The following RAPGEF4 variants were observed in gnomAD, a reference collection of about 807,000 sequenced individuals.
The protein encoded by RAPGEF4 is Rap guanine nucleotide exchange factor 4.
A neutral mutation model predicts 147.9 loss-of-function variants in RAPGEF4; 66 were observed. That is an observed-to-expected ratio of 0.45 (90% CI 0.37 to 0.55). The LOEUF (loss-of-function observed/expected upper bound fraction) is 0.55. Ranked by LOEUF, RAPGEF4 falls within the 20% of genes least tolerant of loss-of-function variation. The pLI, the probability that RAPGEF4 is intolerant of heterozygous loss-of-function variation, is 0.00. For synonymous variants in RAPGEF4, 419 were observed against 442.7 expected (o/e 0.95, Z 0.67); for missense variants, 1,071 against 1,257.3 (o/e 0.85, Z 2.24).
At chr2:172,819,184 C>T (rs1004873298) in intron 4 of RAPGEF4, among the ~76,000 whole-genome samples, 2 of 151,924 alleles carry the variant, frequency 1.3e-5, no homozygotes, top group Admixed American at 6.6e-5. Flanking sequence ...TCTGAGGGTA[C>T]TGGGTTGCTC....
At chr2:172,783,883 A>C (rs1284198845) in intron 1 of RAPGEF4, among the ~76,000 whole-genome samples, 1 of 152,070 alleles carries the variant, frequency 6.6e-6, no homozygotes, top group East Asian at 1.9e-4. Flanking sequence ...GATGCACCAA[A>C]GTTTTCGGAT....
chr2:172,887,096 A>C (rs1479575043), intron 4 of RAPGEF4, among the ~76,000 whole-genome samples: 3 of 151,964 alleles, frequency 2.0e-5, no homozygotes, highest in Non-Finnish European at 2.9e-5. Context: ...GTGAGGCAGG[A>C]GAATCCCTTG....
At chr2:172,821,221 G>A (rs1422101481) in intron 4 of RAPGEF4, among the ~76,000 whole-genome samples, 1 of 152,146 alleles carries the variant, frequency 6.6e-6, no homozygotes, top group Non-Finnish European at 1.5e-5. Flanking sequence ...TGCATTAATG[G>A]TAGGCTTTTC....
At chr2:172,804,223 A>G (rs1222366528) in intron 3 of RAPGEF4, among the ~76,000 whole-genome samples, 1 of 152,130 alleles carries the variant, frequency 6.6e-6, no homozygotes, top group Non-Finnish European at 1.5e-5. Context: ...ATTTGACTCA[A>G]ATTCATATTG....
intron 11 of RAPGEF4, among the ~76,000 whole-genome samples, chr2:172,984,279 C>A (rs1691999274): frequency 6.6e-6 from 1 of 152,140 alleles, no homozygotes; most frequent in Non-Finnish European, 1.5e-5. Context: ...AGAGTATATA[C>A]TGAGGTCCCT....
intron 30 of RAPGEF4, among the ~76,000 whole-genome samples, 177 bp from the exon 31 acceptor site, chr2:173,051,463 G>T (rs1222982529): frequency 2.0e-5 from 3 of 152,148 alleles, no homozygotes; most frequent in African/African-American, 7.2e-5. Context: ...AAATTGGAGG[G>T]TAGGAAGGAG....
At chr2:172,956,411 A>G (rs1333015242) in intron 6 of RAPGEF4, among the ~76,000 whole-genome samples, 1 of 151,952 alleles carries the variant, frequency 6.6e-6, no homozygotes, top group Non-Finnish European at 1.5e-5. Context: ...TATTTGTCTT[A>G]GCCCTGATAG....
intron 16 of RAPGEF4, among the ~76,000 whole-genome samples, chr2:173,000,774 C>G (rs944479034): frequency 7.1e-5 from 7 of 98,414 alleles, no homozygotes; most frequent in African/African-American, 2.6e-4. Context: ...TTTGCTGCTT[C>G]TTTCTCCCCT....
In RAPGEF4 at chr2:172,779,029, G is replaced by A. The variant is rs368322362; in HGVS notation, c.66-15996G>A. ...GTAATTTAATTTTCTCTGAAGTGCCGTTAACTTTTCATGATTATACATTCT... is the reference window on the plus strand; with the variant it reads ...GTAATTTAATTTTCTCTGAAGTGCCATTAACTTTTCATGATTATACATTCT... On this transcript the variant is annotated intron_variant, in intron 1 of 30. Coordinates refer to ENST00000397081, the MANE Select transcript of RAPGEF4 (RefSeq NM_007023.4). 6.2e-4 allele frequency among the ~76,000 whole-genome samples: 94 copies of A among 152,094 alleles called. No homozygotes were observed. The South Asian group carries it at 0.016, about 27-fold the overall frequency.
intron 27 of RAPGEF4, among the ~76,000 whole-genome samples, chr2:173,035,318 C>T (rs1022362945): frequency 6.6e-6 from 1 of 151,980 alleles, no homozygotes; most frequent in Admixed American, 6.6e-5. Flanking sequence ...ACCATTCTGG[C>T]TAACATGGTG....
intron 4 of RAPGEF4, chr2:172,894,096 C>A (rs1451144636): frequency 4.6e-5 from 7 of 152,246 alleles, no homozygotes; most frequent in Admixed American, 2.0e-4. Flanking sequence ...GTGCAGTGCA[C>A]ACATCATGGG....
chr2:173,029,984 A>G (rs1697030756), intron 25 of RAPGEF4, among the ~76,000 whole-genome samples, 180 bp from the exon 26 acceptor site: 1 of 152,252 alleles, frequency 6.6e-6, no homozygotes, highest in Non-Finnish European at 1.5e-5. Context: ...CACAGTGAGA[A>G]ATCAAACAGC....
chr2:172,863,581 G>A (rs1694267117), intron 4 of RAPGEF4, among the ~76,000 whole-genome samples: 1 of 152,182 alleles, frequency 6.6e-6, no homozygotes, highest in African/African-American at 2.4e-5. Flanking sequence ...AAGAGGAAAT[G>A]GGAGCCAAAA....
chr2:172,971,100 G>GTA (rs1178686334), intron 10 of RAPGEF4, among the ~76,000 whole-genome samples: 5 of 152,078 alleles, frequency 3.3e-5, no homozygotes, highest in Admixed American at 2.6e-4. Flanking sequence ...CAGTAGAAAT[G>GTA]TGCATTTTGG....
At chr2:173,029,796 G>C (rs562813010) in intron 25 of RAPGEF4, among the ~76,000 whole-genome samples, 3 of 152,174 alleles carry the variant, frequency 2.0e-5, no homozygotes, top group Non-Finnish European at 4.4e-5. Context: ...TCAGGCTAAA[G>C]GTCTAGAAAT....
At chr2:172,885,333 C>T (rs555603927) in intron 4 of RAPGEF4, among the ~76,000 whole-genome samples, 1 of 152,322 alleles carries the variant, frequency 6.6e-6, no homozygotes, top group South Asian at 2.1e-4. Context: ...TTATCTATGC[C>T]TCCTGAGATT....
chr2:172,943,606 A>G (rs977884941), intron 6 of RAPGEF4, among the ~76,000 whole-genome samples: 6 of 152,198 alleles, frequency 3.9e-5, no homozygotes, highest in Non-Finnish European at 8.8e-5. Flanking sequence ...TTCAGAACAT[A>G]CTTCAAATCT....
intron 4 of RAPGEF4, chr2:172,889,686 G>GACAC (rs151160330): frequency 1.1e-5 from 2 of 180,186 alleles, no homozygotes; most frequent in Non-Finnish European, 2.1e-5. Flanking sequence ...TGAGAATACA[G>GACAC]ACACACACAC....
intron 11 of RAPGEF4, 126 bp from the exon 12 acceptor site, chr2:172,985,307 G>A: frequency 1.6e-6 from 2 of 1,263,896 alleles, no homozygotes; most frequent in Non-Finnish European, 2.3e-6. Flanking sequence ...AGCAGCAAGA[G>A]AGGTGAGAGA....
Sources: gnomAD v4.1 joint callset for allele counts (sites outside exome capture counted in the v4.1 genomes callset) on GRCh38, gnomAD v4.1.1 for gene constraint, MANE v1.5 for transcripts, NCBI Gene and HGNC (gene_info 2026-07-23, HGNC 2026-07-21) for gene names.